FGF14: variants seen among roughly 807,000 people sequenced by gnomAD.
FGF14 encodes fibroblast growth factor 14, also known as fibroblast growth factor homologous factor 4.
FGF14 carries 5 observed loss-of-function variants against 25.5 expected under a neutral mutation model. That is an observed-to-expected ratio of 0.20 (90% confidence interval 0.10 to 0.41). The LOEUF (loss-of-function observed/expected upper bound fraction) is 0.41. Among genes scored for constraint, FGF14 ranks in the 10% least tolerant of loss-of-function variants. The probability of loss-of-function intolerance (pLI) is 1.00; values close to 1 mark genes in which losing one functional copy is unlikely to be tolerated. For missense variants in FGF14, 222 were observed against 320.1 expected, an observed-to-expected ratio of 0.69 and a Z score of 2.34; for synonymous variants, 138 against 118.3, an observed-to-expected ratio of 1.17 and a Z score of -1.08.
intron 1 of FGF14, among the ~76,000 whole-genome samples, chr13:101,972,597 A>AGACTCTCCTTTCACCCTCAT (rs2037666925): frequency 6.6e-6 from 1 of 152,216 alleles, no homozygotes; most frequent in Admixed American, 6.5e-5. Flanking sequence ...GAAAAAGAGA[A>AGACTCTCCTTTCACCCTCAT]GACTCTCCTT....
chr13:101,813,932 A>G (rs1264282319), intron 3 of FGF14, among the ~76,000 whole-genome samples: 1 of 152,210 alleles, frequency 6.6e-6, no homozygotes, highest in African/African-American at 2.4e-5. Context: ...AAGTGGTAGA[A>G]AGCAGCAACA....
intron 1 of FGF14, among the ~76,000 whole-genome samples, chr13:102,040,491 T>C (rs1460833697): frequency 1.3e-5 from 2 of 152,188 alleles, no homozygotes; most frequent in Non-Finnish European, 2.9e-5. Flanking sequence ...TATGTCACTC[T>C]ATATCTTTGA....
At chr13:101,812,637 ATATATATATATATATATTTTTTTTTTTTT>A (rs1388471669) in intron 3 of FGF14, among the ~76,000 whole-genome samples, 5 of 11,768 alleles carry the variant, frequency 4.2e-4, no homozygotes, top group Non-Finnish European at 9.4e-4. Flanking sequence ...ATATATATAT[ATATATATATATATATATTTTTTTTTTTTT>A]TTTTTTTTTT....
intron 1 of FGF14, among the ~76,000 whole-genome samples, chr13:102,384,087 T>G (rs2139190807): frequency 6.6e-6 from 1 of 152,308 alleles, no homozygotes; most frequent in African/African-American, 2.4e-5. Flanking sequence ...TTTTCTATAA[T>G]CAAAATGTAT....
chr13:101,743,658 C>T (rs1272572333), intron 3 of FGF14, among the ~76,000 whole-genome samples: 1 of 152,066 alleles, frequency 6.6e-6, no homozygotes, highest in Non-Finnish European at 1.5e-5. Flanking sequence ...GATAAAGAAA[C>T]ATATACAACG....
intron 4 of FGF14, among the ~76,000 whole-genome samples, chr13:101,725,655 G>C (rs916734218): frequency 2.6e-5 from 4 of 152,016 alleles, no homozygotes; most frequent in African/African-American, 9.7e-5. Context: ...TCTCGTGATG[G>C]CTAAGCCTTT....
intron 1 of FGF14, among the ~76,000 whole-genome samples, chr13:102,012,990 C>T (rs577125575): frequency 2.0e-5 from 3 of 152,264 alleles, no homozygotes; most frequent in African/African-American, 7.2e-5. Context: ...AGCATCTCCT[C>T]ACCAATTTTA....
intron 1 of FGF14, among the ~76,000 whole-genome samples, chr13:102,208,324 A>G (rs1261325999): frequency 6.6e-6 from 1 of 152,218 alleles, no homozygotes; most frequent in Non-Finnish European, 1.5e-5. Flanking sequence ...GTTCAGGAGC[A>G]TTTGTGTTGG....
chr13:102,161,668 A>G (rs866762496), intron 1 of FGF14, among the ~76,000 whole-genome samples: 3 of 47,194 alleles, frequency 6.4e-5, no homozygotes, highest in Non-Finnish European at 1.4e-4. Flanking sequence ...GAAGAAGAAG[A>G]AGAAGAAGAA....
intron 3 of FGF14, among the ~76,000 whole-genome samples, chr13:101,785,270 G>A (rs376015355): frequency 2.0e-5 from 3 of 150,508 alleles, no homozygotes; most frequent in Admixed American, 6.6e-5. Context: ...GAATATTTGC[G>A]GTGAGGGTTA....
At chr13:101,809,539 A>T (rs1313713469) in intron 3 of FGF14, among the ~76,000 whole-genome samples, 1 of 152,182 alleles carries the variant, frequency 6.6e-6, no homozygotes, top group Non-Finnish European at 1.5e-5. Flanking sequence ...GACTATTACC[A>T]ATTGAGAGGA....
intron 1 of FGF14, among the ~76,000 whole-genome samples, chr13:101,900,695 G>C (rs1187625964): frequency 6.6e-6 from 1 of 152,126 alleles, no homozygotes; most frequent in Admixed American, 6.6e-5. Flanking sequence ...AAAAGCACAT[G>C]AGGAGCGTTT....
intron 1 of FGF14, among the ~76,000 whole-genome samples, chr13:102,364,904 C>G (rs1246235403): frequency 6.6e-6 from 1 of 152,214 alleles, no homozygotes; most frequent in Non-Finnish European, 1.5e-5. Context: ...GTTGCTTAGT[C>G]ATAACATCCA....
intron 2 of FGF14, among the ~76,000 whole-genome samples, chr13:101,872,303 T>A (rs2045140904): frequency 6.6e-6 from 1 of 151,498 alleles, no homozygotes; most frequent in African/African-American, 2.4e-5. Context: ...ATGTTCAGTA[T>A]GTTTATGAAT....
chr13:102,298,213 C>CTTA (rs927323179), intron 1 of FGF14, among the ~76,000 whole-genome samples: 1 of 152,114 alleles, frequency 6.6e-6, no homozygotes, highest in Admixed American at 6.6e-5. Flanking sequence ...ACTCAGCTTG[C>CTTA]TTATGTTCTT....
intron 1 of FGF14, among the ~76,000 whole-genome samples, chr13:102,281,690 CTTTTTT>C (rs539883822): frequency 3.0e-5 from 4 of 135,050 alleles, no homozygotes; most frequent in African/African-American, 5.4e-5. Context: ...ATCCTAACTT[CTTTTTT>C]TTTTTTTTTT....
chr13:102,211,668 A>C (rs2050166653), intron 1 of FGF14, among the ~76,000 whole-genome samples: 1 of 152,208 alleles, frequency 6.6e-6, no homozygotes, highest in Non-Finnish European at 1.5e-5. Context: ...CTGGCTCTCA[A>C]ACCTACTTCA....
chr13:102,007,664 G>C (rs1295775644), intron 1 of FGF14, among the ~76,000 whole-genome samples: 1 of 152,176 alleles, frequency 6.6e-6, no homozygotes, highest in Non-Finnish European at 1.5e-5. Context: ...TAATTGCCAA[G>C]GAGCTTATCC....
At chr13:102,112,058 A>G (rs1421157619) in intron 1 of FGF14, among the ~76,000 whole-genome samples, 1 of 152,096 alleles carries the variant, frequency 6.6e-6, no homozygotes, top group African/African-American at 2.4e-5. Flanking sequence ...AACCCAATTA[A>G]TAATTATTAT....
Sources: allele counts gnomAD v4.1 joint callset (sites outside exome capture counted in the v4.1 genomes callset), GRCh38; gene constraint gnomAD v4.1.1; transcripts MANE v1.5; gene names NCBI Gene and HGNC (gene_info 2026-07-23, HGNC 2026-07-21).